Variants in NRXN3 observed in about 807,000 individuals in gnomAD.
NRXN3 encodes neurexin 3.
NRXN3 carries 32 observed loss-of-function variants against 137.6 expected under a neutral mutation model. The ratio of observed to expected loss-of-function variants is 0.23; its 90% CI spans 0.18 to 0.31. The LOEUF is 0.31. Ranked by LOEUF, NRXN3 falls within the 10% of genes least tolerant of loss-of-function variation. The pLI is 1.00. For missense variants in NRXN3, 1,574 were observed against 2,062.5 expected, an observed-to-expected ratio of 0.76 and a Z score of 4.59; for synonymous variants, 798 against 784.5, an observed-to-expected ratio of 1.02 and a Z score of -0.29.
At chr14:79,436,246 G>T (rs2095844542) in intron 15 of NRXN3, among the ~76,000 whole-genome samples, 2 of 152,096 alleles carry the variant, frequency 1.3e-5, no homozygotes, top group South Asian at 4.2e-4. Context: ...TTCTGTCTTT[G>T]GTGTCTTCCT....
At chr14:78,838,507 A>AT (rs1400616066) in intron 10 of NRXN3, among the ~76,000 whole-genome samples, 1 of 152,176 alleles carries the variant, frequency 6.6e-6, no homozygotes, top group Non-Finnish European at 1.5e-5. Flanking sequence ...TGTTGCATAC[A>AT]TTATTTGTCT....
intron 15 of NRXN3, among the ~76,000 whole-genome samples, chr14:79,188,740 A>G (rs2063842067): frequency 1.3e-5 from 2 of 152,224 alleles, no homozygotes; most frequent in African/African-American, 2.4e-5. Context: ...ATGAACAGAC[A>G]CTTCTCAAAA....
chr14:78,851,874 T>C (rs2099043590), intron 10 of NRXN3, among the ~76,000 whole-genome samples: 1 of 152,248 alleles, frequency 6.6e-6, no homozygotes, highest in African/African-American at 2.4e-5. Context: ...TCTTTGAGGC[T>C]GTCATGTGGC....
chr14:78,291,132 C>T (rs1417817671), intron 3 of NRXN3, among the ~76,000 whole-genome samples: 1 of 152,188 alleles, frequency 6.6e-6, no homozygotes, highest in Non-Finnish European at 1.5e-5. Context: ...TGTCTCCTTT[C>T]TTCTCCATTA....
intron 15 of NRXN3, among the ~76,000 whole-genome samples, chr14:79,441,052 A>G (rs2095933288): frequency 6.6e-6 from 1 of 152,370 alleles, no homozygotes; most frequent in South Asian, 2.1e-4. Context: ...GGCAAGGGCC[A>G]TTCTGTTCCA....
intron 1 of NRXN3, among the ~76,000 whole-genome samples, chr14:78,234,653 C>T (rs1450709382): frequency 6.6e-6 from 1 of 152,178 alleles, no homozygotes; most frequent in Admixed American, 6.5e-5. Flanking sequence ...CCACACTTGG[C>T]AGAGTCTGCT....
At chr14:79,700,906 T>C (rs568924614) in intron 19 of NRXN3, among the ~76,000 whole-genome samples, 12 of 152,216 alleles carry the variant, frequency 7.9e-5, no homozygotes, top group African/African-American at 1.4e-4. Context: ...AGGTACTCTA[T>C]TGAATTTTAA....
chr14:78,644,421 C>A (rs2097666718), intron 4 of NRXN3, among the ~76,000 whole-genome samples: 1 of 152,080 alleles, frequency 6.6e-6, no homozygotes, highest in African/African-American at 2.4e-5. Flanking sequence ...ATAGGATAGT[C>A]CAACCAGGGT....
At chr14:79,315,393 C>G (rs1000672518) in intron 15 of NRXN3, among the ~76,000 whole-genome samples, 1 of 152,086 alleles carries the variant, frequency 6.6e-6, no homozygotes, top group East Asian at 1.9e-4. Context: ...AGGACCAATG[C>G]TCCATCCTAT....
At chr14:78,636,201 G>C (rs945544059) in intron 4 of NRXN3, among the ~76,000 whole-genome samples, 5 of 152,116 alleles carry the variant, frequency 3.3e-5, no homozygotes, top group African/African-American at 9.7e-5. Context: ...GGTAGAGTTA[G>C]AGCATGTGGC....
rs76513611 is a variant in NRXN3 at position 78,343,758 on chromosome 14, C to T, written c.757+45898C>T. On this transcript the variant is annotated intron_variant, in intron 4 of 20. Coordinates refer to ENST00000335750, the MANE Select transcript of NRXN3 (RefSeq NM_001330195.2). Reference sequence around the variant, plus strand: ...AAAACCTCCTCCAGCCCACTGTTCTCCACCTTGGCCGCACATTGCAATCAC... The same window carrying T: ...AAAACCTCCTCCAGCCCACTGTTCTTCACCTTGGCCGCACATTGCAATCAC... Among the ~76,000 whole-genome samples the T allele has an allele frequency of 4.4e-4, 67 of 152,322 alleles. 2 individuals carry two copies. The East Asian group carries it at 0.012, about 28-fold the overall frequency.
At chr14:79,512,133 A>T (rs1235955819) in intron 16 of NRXN3, among the ~76,000 whole-genome samples, 1 of 152,198 alleles carries the variant, frequency 6.6e-6, no homozygotes, top group Non-Finnish European at 1.5e-5. Context: ...TCCTGACCTC[A>T]GGTGATCTGC....
intron 1 of NRXN3, among the ~76,000 whole-genome samples, chr14:78,186,513 G>A (rs1037457100): frequency 5.3e-5 from 8 of 152,224 alleles, no homozygotes; most frequent in Admixed American, 3.9e-4. Flanking sequence ...CTTCAGAATC[G>A]CTGCGCTGGT....
intron 10 of NRXN3, among the ~76,000 whole-genome samples, chr14:78,861,406 A>G (rs985019333): frequency 2.6e-5 from 4 of 152,146 alleles, no homozygotes; most frequent in Non-Finnish European, 4.4e-5. Flanking sequence ...GCTTTCAAAG[A>G]TGCTTTTTCT....
At chr14:79,314,336 C>G (rs1215013627) in intron 15 of NRXN3, among the ~76,000 whole-genome samples, 1 of 83,468 alleles carries the variant, frequency 1.2e-5, no homozygotes, top group Non-Finnish European at 2.4e-5. Flanking sequence ...CACTCCCACC[C>G]GAATATTGCG....
intron 4 of NRXN3, among the ~76,000 whole-genome samples, chr14:78,503,498 T>A (rs1455057700): frequency 1.3e-5 from 2 of 152,090 alleles, no homozygotes; most frequent in Admixed American, 6.6e-5. Context: ...ATCGTGATCT[T>A]CAGAACAGAC....
rs564273628 is a variant in NRXN3, at chr14:78,270,851, G to A, written c.710-7794G>A. On this transcript the variant is annotated intron_variant, in intron 2 of 20. Transcript: ENST00000335750. ...ATTGATGTATTAGGGAACATTTTGA[G>A]CATAATAATTTCGCTTTTGATTATG... is the stretch of plus-strand genomic sequence containing the variant. Among the ~76,000 whole-genome samples, 5 of 152,314 alleles carry A rather than the reference G, an allele frequency of 3.3e-5. No individual in the cohort carries two copies. In the South Asian group the frequency reaches 1.0e-3, roughly 32 times the overall value.
intron 4 of NRXN3, among the ~76,000 whole-genome samples, chr14:78,485,018 C>T (rs943811256): frequency 6.6e-6 from 1 of 152,182 alleles, no homozygotes; most frequent in African/African-American, 2.4e-5. Context: ...TGCATTAACT[C>T]TTCCCTTGCC....
intron 15 of NRXN3, among the ~76,000 whole-genome samples, chr14:79,085,049 G>T (rs2152776442): frequency 6.6e-6 from 1 of 152,146 alleles, no homozygotes; most frequent in South Asian, 2.1e-4. Context: ...AGTCTAGAGG[G>T]TTCCTGGTTA....
Sources: gnomAD v4.1 joint callset for allele counts (sites outside exome capture counted in the v4.1 genomes callset) on GRCh38, gnomAD v4.1.1 for gene constraint, MANE v1.5 for transcripts, NCBI Gene and HGNC (gene_info 2026-07-23, HGNC 2026-07-21) for gene names.